The following CDC42BPB variants were observed in gnomAD, a reference collection of about 807,000 sequenced individuals.
CDC42BPB encodes the protein CDC42 binding protein kinase beta.
A neutral mutation model predicts 214.9 loss-of-function variants in CDC42BPB; 37 were observed. The observed-to-expected ratio is 0.17, with a 90% confidence interval of 0.13 to 0.23. CDC42BPB has a LOEUF of 0.23. Ranked by LOEUF, CDC42BPB falls within the 10% of genes least tolerant of loss-of-function variation. The pLI is 1.00. For synonymous variants in CDC42BPB, 931 were observed against 884.0 expected, an observed-to-expected ratio of 1.05 and a Z score of -0.94; for missense variants, 1,694 against 2,227.0, an observed-to-expected ratio of 0.76 and a Z score of 4.82.
chr14:102,933,807 T>C lies in CDC42BPB; in HGVS notation c.5041A>G (p.Asn1681Asp). The C allele has an allele frequency of 6.6e-7, 1 of 1,515,374 alleles. No homozygotes were observed. The highest frequency in any genetic ancestry group is 8.8e-7 in the Non-Finnish European group (1 of 1,141,214). 93.9% of individuals were successfully genotyped at this position (1,515,374 alleles called of 1,614,324 possible). ...SDSTKHSTPSNSSNPSGPPSP... is the reference protein window; with the variant it reads ...SDSTKHSTPSDSSNPSGPPSP... ...GGTGGGCCGCTGGGGTTGGAGCTAT[T>C]CGATGGAGTTGAGTGTTTGGTGGAG... is the stretch of plus-strand genomic sequence containing the variant. The change falls in exon 37 of 37, where the codon AAT becomes GAT. Residue 1681 changes from asparagine to aspartate, a missense_variant. Physicochemically the swap from Asn to Asp is conservative, Grantham distance 23. Coordinates refer to ENST00000361246, the MANE Select transcript of CDC42BPB (RefSeq NM_006035.4).
chr14:102,996,529 T>C (rs954083412), intron 5 of CDC42BPB, among the ~76,000 whole-genome samples: 1 of 152,086 alleles, frequency 6.6e-6, no homozygotes, highest in Non-Finnish European at 1.5e-5. Flanking sequence ...TACTAACTTA[T>C]GGGCCGGGGG....
At chr14:103,042,653 A>G (rs1475826624) in intron 1 of CDC42BPB, among the ~76,000 whole-genome samples, 1 of 152,210 alleles carries the variant, frequency 6.6e-6, no homozygotes, top group Non-Finnish European at 1.5e-5. Context: ...TTGAATAGAC[A>G]TTTATCCAAA....
chr14:103,052,642 T>C (rs1476486260), intron 1 of CDC42BPB, among the ~76,000 whole-genome samples: 1 of 151,760 alleles, frequency 6.6e-6, no homozygotes, highest in Non-Finnish European at 1.5e-5. Flanking sequence ...CCCAGAAGAC[T>C]AGGAGGATTA....
chr14:103,005,321 C>T (rs947859840), intron 3 of CDC42BPB, among the ~76,000 whole-genome samples: 6 of 152,188 alleles, frequency 3.9e-5, no homozygotes, highest in African/African-American at 4.8e-5. Flanking sequence ...ATGTGAGGCA[C>T]GAGGGCACAG....
chr14:102,971,032 G>A (rs1893449941), intron 13 of CDC42BPB, among the ~76,000 whole-genome samples: 1 of 152,204 alleles, frequency 6.6e-6, no homozygotes, highest in Non-Finnish European at 1.5e-5. Flanking sequence ...GGGCGGCACA[G>A]GGCTGCAAAC....
intron 20 of CDC42BPB, among the ~76,000 whole-genome samples, chr14:102,962,574 G>A (rs1893009345): frequency 6.6e-6 from 1 of 152,250 alleles, no homozygotes; most frequent in East Asian, 1.9e-4. Flanking sequence ...GATAGGCTGG[G>A]CACGGTGGCT....
At chr14:103,015,738 G>C (rs1030772305) in intron 1 of CDC42BPB, among the ~76,000 whole-genome samples, 1 of 152,000 alleles carries the variant, frequency 6.6e-6, no homozygotes, top group Non-Finnish European at 1.5e-5. Flanking sequence ...TTGAGACAGA[G>C]TCTAGCTTTG....
chr14:103,049,422 G>C (rs1377437374), intron 1 of CDC42BPB, among the ~76,000 whole-genome samples: 1 of 152,260 alleles, frequency 6.6e-6, no homozygotes, highest in Non-Finnish European at 1.5e-5. Context: ...AACTTCACGT[G>C]AGAGAAATCA....
Position 103,003,929 on chromosome 14 carries a change from A to G in CDC42BPB, c.446T>C (p.Leu149Pro), listed in dbSNP as rs1895111596. Residue 149 changes from leucine (L) to proline (P), a missense_variant and splice_region_variant, in exon 4 of 37, where the codon CTG becomes CCG. By Grantham distance (98) the Leu-to-Pro change is moderately conservative. Around this residue, in one of 7 missense-constraint regions of CDC42BPB, gnomAD observed 225 missense variants for 459.3 expected, o/e 0.49. Transcript: ENST00000361246. ...LHYAFQDENHLYLVMDYYVGG... is the reference protein window; with the variant it reads ...LHYAFQDENHPYLVMDYYVGG... ...CGAGTCTCTGGCTGTGCGACCTACCAGGTGGTTCTCGTCCTGAAAGGCGTA... is the reference window on the plus strand; with the variant it reads ...CGAGTCTCTGGCTGTGCGACCTACCGGGTGGTTCTCGTCCTGAAAGGCGTA... The G allele has an allele frequency of 1.2e-6, 2 of 1,607,666 alleles. No individual in the cohort carries two copies. The highest frequency in any genetic ancestry group is 8.5e-7 in the Non-Finnish European group (1 of 1,175,310).
intron 20 of CDC42BPB, among the ~76,000 whole-genome samples, chr14:102,961,787 C>T (rs747844930): frequency 7.9e-5 from 12 of 152,182 alleles, no homozygotes; most frequent in Admixed American, 1.3e-4. Flanking sequence ...AGGTGATCCG[C>T]CCACCTCAGC....
chr14:102,991,914 T>C (rs1378535163), intron 5 of CDC42BPB, among the ~76,000 whole-genome samples: 4 of 152,266 alleles, frequency 2.6e-5, no homozygotes, highest in Non-Finnish European at 5.9e-5. Flanking sequence ...CTGTCTAACA[T>C]GGTAGCCCCT....
intron 1 of CDC42BPB, among the ~76,000 whole-genome samples, chr14:103,052,542 C>T (rs564926614): frequency 2.0e-4 from 31 of 152,322 alleles, no homozygotes; most frequent in African/African-American, 7.5e-4. Flanking sequence ...CATTCCCACA[C>T]TAACAGCTAT....
intron 4 of CDC42BPB, chr14:102,999,945 G>GT: frequency 1.0e-6 from 1 of 977,050 alleles, no homozygotes; most frequent in Non-Finnish European, 1.2e-6. Context: ...AGTAAGTGAT[G>GT]TATTTAATCA....
At chr14:103,023,482 T>A in intron 1 of CDC42BPB, among the ~76,000 whole-genome samples, 1 of 152,108 alleles carries the variant, frequency 6.6e-6, no homozygotes, top group Non-Finnish European at 1.5e-5. Flanking sequence ...TAATTTTTTA[T>A]TTTTTGTAGA....
intron 1 of CDC42BPB, among the ~76,000 whole-genome samples, chr14:103,041,095 T>C (rs1012046190): frequency 6.6e-6 from 1 of 152,212 alleles, no homozygotes; most frequent in Non-Finnish European, 1.5e-5. Context: ...ATTAATGGAA[T>C]ACAACCGAGA....
In CDC42BPB at chr14:102,939,663, C is replaced by T. The variant is rs1216621400; in HGVS notation, c.4774G>A (p.Val1592Met). Residue 1592 changes from valine (V) to methionine (M), a missense_variant, in exon 34 of 37, where the codon GTG becomes ATG. Val to Met is a conservative substitution (Grantham distance 21). Transcript: ENST00000361246. ...CCGTCGCCTGGGCCCATGTGGGCCACGTGGTTGAAGTTGGTTGGGTTGGAT... is the reference window on the plus strand; with the variant it reads ...CCGTCGCCTGGGCCCATGTGGGCCATGTGGTTGAAGTTGGTTGGGTTGGAT... ...MISNPTNFNH[V>M]AHMGPGDGMQ... 6.2e-7 allele frequency: 1 copy of T among 1,614,026 alleles called. No homozygotes were observed. The highest frequency in any genetic ancestry group is 8.5e-7 in the Non-Finnish European group (1 of 1,180,040).
At chr14:102,983,785 A>C in intron 6 of CDC42BPB, 29 bp from the exon 7 acceptor site, 1 of 1,599,154 alleles carries the variant, frequency 6.3e-7, no homozygotes, top group Non-Finnish European at 8.5e-7. Flanking sequence ...GCTGAAGGAA[A>C]CCCTAGGGCA....
chr14:102,945,792 G>A (rs991385251), intron 28 of CDC42BPB, 68 bp from the exon 29 acceptor site: 26 of 1,367,114 alleles, frequency 1.9e-5, no homozygotes, highest in African/African-American at 1.6e-4. Context: ...GTTTGAATGC[G>A]TGGGTGGGCT....
At chr14:102,995,129 C>T (rs925189563) in intron 5 of CDC42BPB, among the ~76,000 whole-genome samples, 1 of 152,036 alleles carries the variant, frequency 6.6e-6, no homozygotes, top group African/African-American at 2.4e-5. Flanking sequence ...TTTGTTCATA[C>T]ACTATACTCT....
Sources: gnomAD v4.1 joint callset for allele counts (sites outside exome capture counted in the v4.1 genomes callset) on GRCh38, gnomAD v4.1.1 for gene constraint, gnomAD v4.1.1 regional missense constraint, MANE v1.5 for transcripts, NCBI Gene and HGNC (gene_info 2026-07-23, HGNC 2026-07-21) for gene names.